Variants in HERC3 observed in about 807,000 individuals in gnomAD.
HERC3 encodes probable E3 ubiquitin-protein ligase HERC3.
In HERC3, 58 loss-of-function variants were observed where a neutral mutation model predicts 129.9. The observed-to-expected ratio is 0.45, with a 90% CI of 0.36 to 0.56. The LOEUF (loss-of-function observed/expected upper bound fraction) is 0.56, where lower values mean the gene tolerates loss of function less well. Ranked by LOEUF, HERC3 falls within the 20% of genes least tolerant of loss-of-function variation. HERC3 has a pLI of 0.00. For synonymous variants in HERC3, 430 were observed against 451.0 expected, an observed-to-expected ratio of 0.95 and a Z score of 0.59; for missense variants, 835 against 1,244.2, an observed-to-expected ratio of 0.67 and a Z score of 4.95.
At chr4:88,631,552 A>G (rs899662833) in intron 3 of HERC3, among the ~76,000 whole-genome samples, 12 of 152,214 alleles carry the variant, frequency 7.9e-5, no homozygotes, top group African/African-American at 2.9e-4. Flanking sequence ...GATTGTTTAA[A>G]GTTGGTCAGT....
chr4:88,541,255 C>T, the HERC3 span, among the ~76,000 whole-genome samples: 2 of 151,644 alleles, frequency 1.3e-5, no homozygotes. Context: ...GATCTATCAA[C>T]CAAATGGAAA....
chr4:88,640,833 A>G (rs916264951), intron 3 of HERC3, among the ~76,000 whole-genome samples: 2 of 152,216 alleles, frequency 1.3e-5, no homozygotes, highest in Non-Finnish European at 2.9e-5. Context: ...ACAAAAACTT[A>G]CAGAAATAAA....
chr4:88,626,685 A>T (rs1301016526), intron 3 of HERC3, among the ~76,000 whole-genome samples: 2 of 152,084 alleles, frequency 1.3e-5, no homozygotes, highest in Non-Finnish European at 2.9e-5. Flanking sequence ...TGTCCACTTC[A>T]TCTAAGTTGT....
chr4:88,603,355 C>T (rs1481703533), intron 2 of HERC3, among the ~76,000 whole-genome samples: 1 of 151,838 alleles, frequency 6.6e-6, no homozygotes, highest in Non-Finnish European at 1.5e-5. Flanking sequence ...TTATGGGCAC[C>T]CGCCACCACG....
At chr4:88,589,367 G>C (rs940276389), upstream of HERC3, among the ~76,000 whole-genome samples, 1 of 152,160 alleles carries the variant, frequency 6.6e-6, no homozygotes, top group Non-Finnish European at 1.5e-5. Context: ...GATTACAGGG[G>C]CATGAGCCTA....
chr4:88,668,903 C>T (rs1731321763), intron 14 of HERC3, among the ~76,000 whole-genome samples: 1 of 152,056 alleles, frequency 6.6e-6, no homozygotes, highest in Admixed American at 6.6e-5. Context: ...AATGTTAGTA[C>T]TTAATTTTTT....
intron 23 of HERC3, chr4:88,696,975 T>C: frequency 2.3e-6 from 1 of 435,964 alleles, no homozygotes; most frequent in Non-Finnish European, 4.0e-6. Flanking sequence ...TTTAATTCAG[T>C]TTTCTTTAAC....
At chr4:88,559,028 T>C in the HERC3 span, among the ~76,000 whole-genome samples, 2 of 152,044 alleles carry the variant, frequency 1.3e-5, no homozygotes, top group African/African-American at 4.8e-5. Context: ...CATTTCATTG[T>C]GTATACAGAA....
the HERC3 span, among the ~76,000 whole-genome samples, chr4:88,543,581 C>A: frequency 6.6e-6 from 1 of 152,172 alleles, no homozygotes; most frequent in Non-Finnish European, 1.5e-5. Context: ...TTGGAAAAAA[C>A]TACTTTAAAG....
chr4:88,639,941 A>G (rs1200937011), intron 3 of HERC3, among the ~76,000 whole-genome samples: 2 of 152,252 alleles, frequency 1.3e-5, no homozygotes, highest in Non-Finnish European at 2.9e-5. Context: ...ACAATTCAGT[A>G]AGGAAGACAT....
At chr4:88,587,629 T>C (rs1316723815), upstream of HERC3, among the ~76,000 whole-genome samples, 2 of 152,242 alleles carry the variant, frequency 1.3e-5, no homozygotes, top group African/African-American at 4.8e-5. Context: ...TTAGCTTTTC[T>C]AGGAAATAAC....
At position 88,693,458 on chromosome 4, in the gene HERC3, T is replaced by G. The variant is rs572468093; in HGVS notation, c.2657+6159T>G. On this transcript the variant is annotated intron_variant, in intron 23 of 25. Coordinates refer to ENST00000402738, the MANE Select transcript of HERC3 (RefSeq NM_014606.3). ...TCTTTAAAAAAAAAGTTGCATTTCT[T>G]TCACACATAGGCTACTTTACATAGT... 1.4e-4 allele frequency: 134 copies of G among 973,782 alleles called. No homozygotes were observed. In the African/African-American group the frequency reaches 2.3e-3, roughly 17 times the overall value. The allele number at this position is 973,782 out of a possible 1,614,324, so 60.3% of individuals were successfully genotyped here.
At chr4:88,553,685 C>T in the HERC3 span, among the ~76,000 whole-genome samples, 1 of 152,146 alleles carries the variant, frequency 6.6e-6, no homozygotes, top group Non-Finnish European at 1.5e-5. Flanking sequence ...ACAGGCACCA[C>T]CACCACCACA....
At chr4:88,524,214 T>C in the HERC3 span, among the ~76,000 whole-genome samples, 2 of 152,368 alleles carry the variant, frequency 1.3e-5, no homozygotes, top group East Asian at 3.9e-4. Flanking sequence ...GTTTGGCTTT[T>C]TTCTCTCTCA....
chr4:88,686,566 C>G (rs1466227090), intron 21 of HERC3, among the ~76,000 whole-genome samples, 170 bp from the exon 22 acceptor site: 1 of 152,176 alleles, frequency 6.6e-6, no homozygotes, highest in Non-Finnish European at 1.5e-5. Context: ...TGCCATAATT[C>G]TCTGCAAGGT....
chr4:88,649,659 G>A (rs1382662141), intron 3 of HERC3, among the ~76,000 whole-genome samples, 181 bp from the exon 4 acceptor site: 3 of 152,042 alleles, frequency 2.0e-5, no homozygotes, highest in Non-Finnish European at 4.4e-5. Context: ...GTGTTACCCC[G>A]GGTCTCCGAA....
intron 6 of HERC3, 76 bp downstream of exon 6, chr4:88,653,166 A>G (rs144674265): frequency 4.9e-5 from 68 of 1,400,622 alleles, no homozygotes; most frequent in Admixed American, 2.4e-4. Context: ...AGGATCTACT[A>G]TGTGCTAGCC....
At chr4:88,672,242 C>A (rs561596999) in intron 16 of HERC3, among the ~76,000 whole-genome samples, 7 of 152,152 alleles carry the variant, frequency 4.6e-5, no homozygotes, top group Non-Finnish European at 1.0e-4. Context: ...TGACAGTAGT[C>A]TCTGAGTAGA....
chr4:88,647,392 A>G (rs2149265264), intron 3 of HERC3, among the ~76,000 whole-genome samples: 1 of 152,334 alleles, frequency 6.6e-6, no homozygotes, highest in Non-Finnish European at 1.5e-5. Context: ...TCAGTCGTGA[A>G]TAAGGCATCA....
Sources: allele counts gnomAD v4.1 joint callset (sites outside exome capture counted in the v4.1 genomes callset), GRCh38; gene constraint gnomAD v4.1.1; transcripts MANE v1.5; gene names NCBI Gene and HGNC (gene_info 2026-07-23, HGNC 2026-07-21).